The following APBB2 variants were observed in gnomAD, a reference collection of about 807,000 sequenced individuals.
The protein encoded by APBB2 is Fe65-like 1.
Under a neutral mutation model 82.5 loss-of-function variants are expected in APBB2, and 38 were observed. The observed-to-expected ratio is 0.46, with a 90% CI of 0.36 to 0.60. The LOEUF (loss-of-function observed/expected upper bound fraction) is 0.60. APBB2 is among the 20% of genes least tolerant of loss of function. APBB2 has a pLI of 0.00. For missense variants in APBB2, 772 were observed against 972.3 expected (o/e 0.79, Z 2.74); for synonymous variants, 341 against 368.2 (o/e 0.93, Z 0.85).
intron 6 of APBB2, among the ~76,000 whole-genome samples, chr4:40,995,628 C>T (rs71608055): frequency 0.087 from 13,185 of 151,350 alleles, 778 homozygotes; most frequent in Middle Eastern, 0.14. Context: ...ACTACAGCCT[C>T]GACTTCCTGA....
chr4:40,822,761 T>G (rs1748441526), intron 16 of APBB2, among the ~76,000 whole-genome samples: 2 of 152,346 alleles, frequency 1.3e-5, no homozygotes, highest in South Asian at 4.1e-4. Flanking sequence ...TTCACTCTAG[T>G]GCCTTGGGAG....
At chr4:40,943,103 A>C (rs970845520) in intron 7 of APBB2, among the ~76,000 whole-genome samples, 11 of 152,354 alleles carry the variant, frequency 7.2e-5, no homozygotes, top group African/African-American at 2.6e-4. Flanking sequence ...GAAGCAGAGC[A>C]GGTTGAAATC....
chr4:40,976,678 A>T (rs1797244492), intron 6 of APBB2, among the ~76,000 whole-genome samples: 1 of 152,168 alleles, frequency 6.6e-6, no homozygotes, highest in South Asian at 2.1e-4. Context: ...TAAGCAATAG[A>T]TCCTAAACAG....
intron 6 of APBB2, among the ~76,000 whole-genome samples, chr4:41,011,382 T>C (rs1006445351): frequency 1.3e-5 from 2 of 151,874 alleles, no homozygotes; most frequent in African/African-American, 4.8e-5. Context: ...GGTTTCACGA[T>C]ATTGGTCAGG....
At chr4:41,094,149 A>G (rs1579978568) in intron 3 of APBB2, among the ~76,000 whole-genome samples, 1 of 152,192 alleles carries the variant, frequency 6.6e-6, no homozygotes, top group Non-Finnish European at 1.5e-5. Flanking sequence ...AAAACAAGTG[A>G]CCATTGGCCC....
chr4:41,208,822 C>A (rs1374205252), intron 1 of APBB2, among the ~76,000 whole-genome samples: 1 of 152,188 alleles, frequency 6.6e-6, no homozygotes, highest in Non-Finnish European at 1.5e-5. Context: ...TCCATGTTCT[C>A]TTCTCGTATT....
intron 7 of APBB2, among the ~76,000 whole-genome samples, 200 bp downstream of exon 7, chr4:40,944,665 A>G (rs1368591344): frequency 1.3e-5 from 2 of 152,222 alleles, no homozygotes; most frequent in East Asian, 1.9e-4. Flanking sequence ...ACCAAAAGCC[A>G]TTAAAAAATA....
intron 1 of APBB2, among the ~76,000 whole-genome samples, chr4:41,210,349 A>G (rs1363148309): frequency 1.5e-4 from 23 of 152,208 alleles, no homozygotes; most frequent in Admixed American, 1.4e-3. Context: ...GCCCAGAGAC[A>G]TAACTGACTT....
At chr4:41,115,402 A>C (rs1226104862) in intron 2 of APBB2, among the ~76,000 whole-genome samples, 3 of 152,248 alleles carry the variant, frequency 2.0e-5, no homozygotes, top group African/African-American at 7.2e-5. Flanking sequence ...CATTCAGGAC[A>C]TAGGCATGGG....
chr4:40,897,466 C>T (rs917982417), intron 10 of APBB2, among the ~76,000 whole-genome samples: 7 of 151,620 alleles, frequency 4.6e-5, no homozygotes, highest in Non-Finnish European at 1.0e-4. Context: ...TGCAGTGAGC[C>T]GAGATCGCGC....
At chr4:41,211,461 T>C (rs550563568) in intron 1 of APBB2, among the ~76,000 whole-genome samples, 1 of 151,552 alleles carries the variant, frequency 6.6e-6, no homozygotes, top group Non-Finnish European at 1.5e-5. Context: ...GTTTTGTTAT[T>C]TATTTACTTA....
rs537206575 is a variant in APBB2, at chr4:40,840,962, G to A, written c.1530-10385C>T. On this transcript the variant is annotated intron_variant, in intron 12 of 17. Transcript: ENST00000508593. The stretch of plus-strand genomic sequence containing the variant: ...TACATGAAGGAGCTCACATCCACAT[G>A]CACAGCCCTCATCCTCCAGAACTTT... Among the ~76,000 whole-genome samples, 25 of 152,260 alleles carry A rather than the reference G, an allele frequency of 1.6e-4. No homozygotes were observed. In the South Asian group the frequency reaches 5.0e-3, roughly 30 times the overall value.
intron 3 of APBB2, among the ~76,000 whole-genome samples, chr4:41,088,192 C>G (rs1164837845): frequency 6.6e-6 from 1 of 152,152 alleles, no homozygotes; most frequent in Non-Finnish European, 1.5e-5. Context: ...GTGGTACAAC[C>G]ATGATTGTAA....
At chr4:41,179,065 A>G (rs975732100) in intron 1 of APBB2, among the ~76,000 whole-genome samples, 1 of 151,888 alleles carries the variant, frequency 6.6e-6, no homozygotes, top group African/African-American at 2.4e-5. Context: ...TGTCACGTCT[A>G]TTGCACAGAC....
chr4:41,178,631 T>A (rs1580656779), intron 1 of APBB2, among the ~76,000 whole-genome samples: 1 of 152,186 alleles, frequency 6.6e-6, no homozygotes, highest in African/African-American at 2.4e-5. Flanking sequence ...CACATCACCA[T>A]CTAATATGGA....
chr4:41,059,719 A>T (rs1233395118), intron 4 of APBB2, among the ~76,000 whole-genome samples: 1 of 152,224 alleles, frequency 6.6e-6, no homozygotes, highest in Admixed American at 6.5e-5. Context: ...TTATTTATAG[A>T]AACAATGCTA....
At chr4:40,847,384 C>T (rs1757979182) in intron 12 of APBB2, among the ~76,000 whole-genome samples, 1 of 152,188 alleles carries the variant, frequency 6.6e-6, no homozygotes, top group Non-Finnish European at 1.5e-5. Flanking sequence ...ATCACTGCAA[C>T]CCGGGAGGTG....
At chr4:41,046,038 T>G (rs1723296318) in intron 4 of APBB2, among the ~76,000 whole-genome samples, 1 of 152,206 alleles carries the variant, frequency 6.6e-6, no homozygotes, top group Admixed American at 6.5e-5. Context: ...AAAAGGTTTG[T>G]ATATGAAGCT....
intron 6 of APBB2, among the ~76,000 whole-genome samples, chr4:40,994,960 T>TA (rs913144915): frequency 2.0e-4 from 29 of 147,450 alleles, no homozygotes; most frequent in East Asian, 1.2e-3. Context: ...GTAAGTACCT[T>TA]AAAAAAAAAA....
Sources: gnomAD v4.1 joint callset for allele counts (sites outside exome capture counted in the v4.1 genomes callset) on GRCh38, gnomAD v4.1.1 for gene constraint, MANE v1.5 for transcripts, NCBI Gene and HGNC (gene_info 2026-07-23, HGNC 2026-07-21) for gene names.